DDX19B: variants seen among roughly 807,000 people sequenced by gnomAD.
The protein encoded by DDX19B is ATP-dependent RNA helicase DDX19B.
In DDX19B, 27 loss-of-function variants were observed where a neutral mutation model predicts 58.1. That is an observed-to-expected ratio of 0.46 (90% CI 0.34 to 0.64). The LOEUF (loss-of-function observed/expected upper bound fraction) is 0.64, where lower values mean the gene tolerates loss of function less well. DDX19B is among the 30% of genes least tolerant of loss of function. The pLI is 0.01. For synonymous variants in DDX19B, 187 were observed against 214.4 expected (o/e 0.87, Z 1.12); for missense variants, 399 against 596.5 (o/e 0.67, Z 3.45).
Position 70,325,638 on chromosome 16 carries a change from G to A in DDX19B, c.557G>A (p.Gly186Asp), listed in dbSNP as rs1963102516. The A allele has an allele frequency of 6.2e-7, 1 of 1,613,998 alleles. No homozygotes were observed. Among genetic ancestry groups the A allele is most frequent in the Non-Finnish European group, 8.5e-7 (1 of 1,179,990 alleles). Residue 186 changes from glycine to aspartate, a missense_variant, in exon 7 of 12, where the codon GGC becomes GAC. By Grantham distance (94) the Gly-to-Asp change is moderately conservative. Around this residue, in one of 4 missense-constraint regions of DDX19B, gnomAD observed 67 missense variants for 74.3 expected, o/e 0.90. Transcript: ENST00000288071. ...LQTGKVIEQM[G>D]KFYPELKLAY... ...ACAGGAAAAGTGATTGAACAAATGGGCAAATTTTACCCTGAACTGAAGCTA... is the reference window on the plus strand; with the variant it reads ...ACAGGAAAAGTGATTGAACAAATGGACAAATTTTACCCTGAACTGAAGCTA...
In DDX19B at chr16:70,317,564, C is replaced by CA; in HGVS notation, c.366dup (p.Leu123IlefsTer7). On this transcript the variant is annotated frameshift_variant, in exon 5 of 12. Transcript: ENST00000288071. LOFTEE classifies it high-confidence loss of function. ...CGTCCATCCAAGATACAAGAGAACG[C>CA]ATTGCCACTGATGCTTGCTGAGCCG... is the stretch of plus-strand genomic sequence containing the variant. 6.2e-7 allele frequency: 1 copy of CA among 1,612,988 alleles called. No individual in the cohort carries two copies. The highest frequency in any genetic ancestry group is 8.5e-7 in the Non-Finnish European group (1 of 1,179,272).
At chr16:70,307,237 A>G (rs577648394) in intron 1 of DDX19B, among the ~76,000 whole-genome samples, 1 of 152,324 alleles carries the variant, frequency 6.6e-6, no homozygotes, top group African/African-American at 2.4e-5. Flanking sequence ...TATATCTAGA[A>G]GTGGGACTGC....
intron 5 of DDX19B, among the ~76,000 whole-genome samples, chr16:70,319,122 A>T (rs1159683890): frequency 1.3e-5 from 2 of 152,180 alleles, no homozygotes; most frequent in Non-Finnish European, 2.9e-5. Context: ...AAACAAAAAA[A>T]GGTGACATAT....
chr16:70,312,722 A>G, intron 2 of DDX19B, 65 bp downstream of exon 2: 3 of 1,449,664 alleles, frequency 2.1e-6, no homozygotes, highest in Non-Finnish European at 1.9e-6. Context: ...TTTTGGCATA[A>G]CAACTGTCTG....
intron 7 of DDX19B, among the ~76,000 whole-genome samples, chr16:70,328,826 C>T (rs1002861134): frequency 6.6e-6 from 1 of 151,992 alleles, no homozygotes; most frequent in Non-Finnish European, 1.5e-5. Flanking sequence ...ATATCCTAAC[C>T]TTTCCTTAAT....
intron 10 of DDX19B, 114 bp downstream of exon 10, chr16:70,331,998 T>C: frequency 6.9e-7 from 1 of 1,439,818 alleles, no homozygotes; most frequent in Non-Finnish European, 9.3e-7. Context: ...ATGGGTGGGG[T>C]TGGTGACACT....
chr16:70,315,412 A>G (rs1962331911), intron 3 of DDX19B, among the ~76,000 whole-genome samples: 1 of 151,700 alleles, frequency 6.6e-6, no homozygotes, highest in African/African-American at 2.4e-5. Context: ...AAAAAGTTCA[A>G]TATAAATAGT....
rs1963551035 is a variant in DDX19B at position 70,332,903 on chromosome 16, T to C, written c.1187-65T>C. 5.0e-6 allele frequency: 8 copies of C among 1,613,736 alleles called. No individual in the cohort carries two copies. The South Asian group carries it at 5.5e-5, about 11-fold the overall frequency. On this transcript the variant is annotated intron_variant, in intron 10 of 11. Coordinates refer to ENST00000288071, the MANE Select transcript of DDX19B (RefSeq NM_007242.7). ...GCTGAGTCATGCTCCATTGTATGGA[T>C]GGACCACATGACTGATTTGCCTCCT...
chr16:70,294,183 G>T (rs1418122228), upstream of DDX19B, among the ~76,000 whole-genome samples: 1 of 142,208 alleles, frequency 7.0e-6, no homozygotes, highest in Non-Finnish European at 1.5e-5. Context: ...CCGGGTTCAC[G>T]CCATTCTCCT....
chr16:70,296,755 G>A (rs1198669659), upstream of DDX19B, among the ~76,000 whole-genome samples: 1 of 151,996 alleles, frequency 6.6e-6, no homozygotes, highest in African/African-American at 2.4e-5. Flanking sequence ...AAACAAAAAC[G>A]TCTTCTCCAG....
chr16:70,307,950 T>TTTTA (rs1284908715), intron 1 of DDX19B, among the ~76,000 whole-genome samples: 10 of 150,908 alleles, frequency 6.6e-5, no homozygotes, highest in South Asian at 4.2e-4. Flanking sequence ...ATGTATTTAT[T>TTTTA]TTTATTTATT....
chr16:70,316,921 A>G (rs530913961), intron 4 of DDX19B, among the ~76,000 whole-genome samples: 1 of 152,010 alleles, frequency 6.6e-6, no homozygotes, highest in African/African-American at 2.4e-5. Flanking sequence ...AAATACAAAA[A>G]TTAGTCCAGG....
At chr16:70,324,546 T>C in intron 5 of DDX19B, 39 bp from the exon 6 acceptor site, 1 of 1,572,734 alleles carries the variant, frequency 6.4e-7, no homozygotes, top group Admixed American at 1.8e-5. Context: ...AACTAAAAGG[T>C]TGAGATTTAA....
intron 7 of DDX19B, 89 bp downstream of exon 7, chr16:70,325,777 A>ACC: frequency 1.0e-6 from 1 of 959,786 alleles, no homozygotes; most frequent in Non-Finnish European, 1.7e-6. Flanking sequence ...GAAATAATAC[A>ACC]ATAAACACAT....
intron 1 of DDX19B, among the ~76,000 whole-genome samples, chr16:70,311,104 C>T (rs1319905225): frequency 4.2e-5 from 6 of 142,956 alleles, no homozygotes; most frequent in Admixed American, 2.1e-4. Context: ...CCGGGCGTGG[C>T]AGCTCATATC....
chr16:70,332,725 C>T (rs1056333516), intron 10 of DDX19B, among the ~76,000 whole-genome samples: 21 of 152,274 alleles, frequency 1.4e-4, no homozygotes, highest in Non-Finnish European at 2.2e-4. Context: ...CATCACCTCT[C>T]CCTGCACCCC....
upstream of DDX19B, among the ~76,000 whole-genome samples, chr16:70,297,249 G>A (rs1419419752): frequency 3.3e-5 from 5 of 150,430 alleles, no homozygotes; most frequent in Non-Finnish European, 5.9e-5. Context: ...AGTTTCACTC[G>A]TCGCCCAGGC....
upstream of DDX19B, among the ~76,000 whole-genome samples, chr16:70,296,941 A>G (rs1305837487): frequency 6.6e-6 from 1 of 152,066 alleles, no homozygotes; most frequent in Non-Finnish European, 1.5e-5. Context: ...TTTGAGACAG[A>G]GTCTTGCTCT....
chr16:70,293,016 G>C (rs985071218), upstream of DDX19B, among the ~76,000 whole-genome samples: 1 of 152,032 alleles, frequency 6.6e-6, no homozygotes, highest in African/African-American at 2.4e-5. Context: ...TGAGGCAGAG[G>C]CTGCAGTGAC....
Sources: gnomAD v4.1 joint callset for allele counts (sites outside exome capture counted in the v4.1 genomes callset) on GRCh38, gnomAD v4.1.1 for gene constraint, gnomAD v4.1.1 regional missense constraint, MANE v1.5 for transcripts, NCBI Gene and HGNC (gene_info 2026-07-23, HGNC 2026-07-21) for gene names.